ST18: variants seen among roughly 807,000 people sequenced by gnomAD.
ST18 encodes the protein suppression of tumorigenicity 18 protein.
In ST18, 50 loss-of-function variants were observed where a neutral mutation model predicts 110.0. The ratio of observed to expected loss-of-function variants is 0.45; its 90% CI spans 0.36 to 0.58. ST18 has a LOEUF of 0.58. Ranked by LOEUF, ST18 falls within the 20% of genes least tolerant of loss-of-function variation. The pLI is 0.00. For missense variants in ST18, 1,306 were observed against 1,280.1 expected (o/e 1.02, Z -0.31); for synonymous variants, 461 against 452.4 (o/e 1.02, Z -0.24).
chr8:52,160,206 G>A (rs1178900039), intron 14 of ST18, among the ~76,000 whole-genome samples: 5 of 152,030 alleles, frequency 3.3e-5, no homozygotes, highest in Non-Finnish European at 5.9e-5. Context: ...ATCTGTATAG[G>A]CACACACAAA....
At chr8:52,325,998 T>A (rs984483491) in intron 2 of ST18, among the ~76,000 whole-genome samples, 4 of 152,342 alleles carry the variant, frequency 2.6e-5, no homozygotes, top group Admixed American at 2.0e-4. Context: ...TACCTAGTCA[T>A]TGTGTCATAA....
chr8:52,133,236 T>C lies in ST18; in HGVS notation c.2363+3A>G, dbSNP rs1325052819. The stretch of plus-strand genomic sequence containing the variant: ...CACATCTCAGAAATAAGATCAATCC[T>C]ACCTTCTGTGGGAAGCATAGTTTCC... On this transcript the variant is annotated splice_donor_region_variant and intron_variant, in intron 20 of 25. Transcript: ENST00000689386. 1 of 1,614,180 alleles carries C rather than the reference T, an allele frequency of 6.2e-7. No individual in the cohort carries two copies. Among genetic ancestry groups the C allele is most frequent in the Non-Finnish European group, 8.5e-7 (1 of 1,180,038 alleles).
intron 2 of ST18, among the ~76,000 whole-genome samples, chr8:52,241,554 A>G (rs1235452317): frequency 1.3e-5 from 2 of 152,226 alleles, no homozygotes; most frequent in African/African-American, 4.8e-5. Context: ...AGCTTTGCCT[A>G]CATATCACTT....
intron 2 of ST18, among the ~76,000 whole-genome samples, chr8:52,400,420 T>C (rs758189968): frequency 3.3e-5 from 5 of 152,126 alleles, no homozygotes; most frequent in Admixed American, 6.5e-5. Flanking sequence ...TTATTGATAA[T>C]AGTTACTATT....
chr8:52,204,774 G>A (rs1237089456), intron 8 of ST18, among the ~76,000 whole-genome samples: 6 of 152,152 alleles, frequency 3.9e-5, no homozygotes, highest in Non-Finnish European at 7.3e-5. Flanking sequence ...AGCCTGCAGT[G>A]GTGATATTTT....
intron 4 of ST18, among the ~76,000 whole-genome samples, chr8:52,221,318 G>A (rs2086651262): frequency 6.6e-6 from 1 of 152,132 alleles, no homozygotes; most frequent in Non-Finnish European, 1.5e-5. Flanking sequence ...GTTACTTAGG[G>A]TTCTTTTTAA....
chr8:52,318,692 G>C (rs1335578731), intron 2 of ST18, among the ~76,000 whole-genome samples: 1 of 151,926 alleles, frequency 6.6e-6, no homozygotes, highest in Non-Finnish European at 1.5e-5. Flanking sequence ...AAGAAAATGT[G>C]GTACATATAC....
intron 14 of ST18, among the ~76,000 whole-genome samples, chr8:52,160,523 T>A (rs1445114708): frequency 6.6e-6 from 1 of 152,220 alleles, no homozygotes; most frequent in African/African-American, 2.4e-5. Flanking sequence ...ATTCTATGGC[T>A]ATGCAGAATG....
intron 2 of ST18, among the ~76,000 whole-genome samples, chr8:52,289,203 C>G (rs1054840263): frequency 6.6e-6 from 1 of 152,138 alleles, no homozygotes; most frequent in African/African-American, 2.4e-5. Context: ...GGTCTTAGGC[C>G]AGGCACAGTG....
intron 8 of ST18, among the ~76,000 whole-genome samples, chr8:52,196,772 A>G (rs907649482): frequency 1.3e-5 from 2 of 152,208 alleles, no homozygotes; most frequent in African/African-American, 4.8e-5. Flanking sequence ...GGTTTCAGGC[A>G]GCCACTGGGG....
At chr8:52,363,965 C>G (rs1044204709) in intron 2 of ST18, among the ~76,000 whole-genome samples, 2 of 152,174 alleles carry the variant, frequency 1.3e-5, no homozygotes, top group African/African-American at 4.8e-5. Context: ...ATGGCTCAAT[C>G]AAAGCATGGG....
intron 2 of ST18, among the ~76,000 whole-genome samples, chr8:52,289,943 G>A (rs2095529486): frequency 6.6e-6 from 1 of 151,884 alleles, no homozygotes; most frequent in African/African-American, 2.4e-5. Flanking sequence ...TAATAGACTG[G>A]GAAATGATGG....
chr8:52,346,632 C>T (rs577050392), intron 2 of ST18, among the ~76,000 whole-genome samples: 28 of 152,194 alleles, frequency 1.8e-4, no homozygotes, highest in African/African-American at 5.1e-4. Flanking sequence ...TCAGCCTTCT[C>T]GCTAGCCACA....
intron 10 of ST18, among the ~76,000 whole-genome samples, chr8:52,169,839 C>A (rs902284863): frequency 1.3e-5 from 2 of 152,132 alleles, no homozygotes; most frequent in African/African-American, 4.8e-5. Context: ...CAGAGGCTGC[C>A]CCCATGCCTC....
At chr8:52,346,240 T>C (rs1590112354) in intron 2 of ST18, among the ~76,000 whole-genome samples, 1 of 150,954 alleles carries the variant, frequency 6.6e-6, no homozygotes, top group Non-Finnish European at 1.5e-5. Context: ...TCTCTGAAAA[T>C]TTAAATATGG....
intron 2 of ST18, among the ~76,000 whole-genome samples, chr8:52,281,467 T>C (rs1231264006): frequency 1.3e-5 from 2 of 152,018 alleles, no homozygotes; most frequent in African/African-American, 2.4e-5. Context: ...ATATTAGAAA[T>C]GCGAAAGAAG....
intron 2 of ST18, among the ~76,000 whole-genome samples, chr8:52,400,869 G>A (rs1160271513): frequency 2.0e-5 from 3 of 152,076 alleles, no homozygotes; most frequent in Non-Finnish European, 4.4e-5. Flanking sequence ...CACCACTACA[G>A]TAATTACATA....
chr8:52,274,428 A>C (rs1386536415), intron 2 of ST18, among the ~76,000 whole-genome samples: 1 of 149,482 alleles, frequency 6.7e-6, no homozygotes, highest in Non-Finnish European at 1.5e-5. Context: ...TTACCTGCAA[A>C]CTTAGCTTTG....
At chr8:52,389,603 T>A (rs1034435850) in intron 2 of ST18, among the ~76,000 whole-genome samples, 1 of 152,048 alleles carries the variant, frequency 6.6e-6, no homozygotes, top group Non-Finnish European at 1.5e-5. Context: ...AATCGTCACC[T>A]GGGAAGCGCA....
Sources: allele counts gnomAD v4.1 joint callset (sites outside exome capture counted in the v4.1 genomes callset), GRCh38; gene constraint gnomAD v4.1.1; transcripts MANE v1.5; gene names NCBI Gene and HGNC (gene_info 2026-07-23, HGNC 2026-07-21).